The following CRYBG1 variants were observed in gnomAD, a reference collection of about 807,000 sequenced individuals.
The protein encoded by CRYBG1 is crystallin beta-gamma domain containing 1.
CRYBG1 carries 139 observed loss-of-function variants against 189.2 expected under a neutral mutation model. The observed-to-expected ratio is 0.73, with a 90% confidence interval of 0.64 to 0.85. CRYBG1 has a LOEUF of 0.85. Ranked by LOEUF, CRYBG1 falls within the 40% of genes least tolerant of loss-of-function variation. The pLI, the probability that CRYBG1 is intolerant of heterozygous loss-of-function variation, is 0.00. For synonymous variants in CRYBG1, 1,023 were observed against 1,017.1 expected, an observed-to-expected ratio of 1.01 and a Z score of -0.11; for missense variants, 2,611 against 2,675.8, an observed-to-expected ratio of 0.98 and a Z score of 0.53.
intron 2 of CRYBG1, among the ~76,000 whole-genome samples, chr6:106,479,933 CTA>C (rs1772408510): frequency 6.6e-6 from 1 of 151,984 alleles, no homozygotes; most frequent in African/African-American, 2.4e-5. Flanking sequence ...TCTAACTTAT[CTA>C]TTTTTTTTTC....
chr6:106,379,754 G>T (rs1003102716), intron 1 of CRYBG1, among the ~76,000 whole-genome samples: 4 of 151,982 alleles, frequency 2.6e-5, no homozygotes, highest in African/African-American at 7.3e-5. Flanking sequence ...AAAGATGGGG[G>T]TCTCACTGTG....
At chr6:106,376,932 T>C (rs1770175617) in intron 1 of CRYBG1, among the ~76,000 whole-genome samples, 1 of 152,080 alleles carries the variant, frequency 6.6e-6, no homozygotes, top group Admixed American at 6.6e-5. Context: ...TACTGAAAAA[T>C]GGCATAGACT....
intron 8 of CRYBG1, among the ~76,000 whole-genome samples, chr6:106,533,203 C>T (rs1434734371): frequency 6.6e-6 from 1 of 152,180 alleles, no homozygotes; most frequent in African/African-American, 2.4e-5. Flanking sequence ...AGGGAGTCTG[C>T]CCTGGAGCTA....
intron 1 of CRYBG1, among the ~76,000 whole-genome samples, chr6:106,412,301 C>T (rs1262339361): frequency 1.3e-5 from 2 of 152,262 alleles, no homozygotes; most frequent in Admixed American, 6.5e-5. Context: ...ACTGCTTATG[C>T]TGATGGCTTG....
intron 2 of CRYBG1, among the ~76,000 whole-genome samples, chr6:106,464,428 G>A (rs566922798): frequency 6.6e-6 from 1 of 151,774 alleles, no homozygotes; most frequent in Non-Finnish European, 1.5e-5. Flanking sequence ...GGGAGGCAGA[G>A]GTTGCAGTGA....
intron 1 of CRYBG1, among the ~76,000 whole-genome samples, chr6:106,418,371 C>A (rs1227310588): frequency 6.6e-6 from 1 of 152,216 alleles, no homozygotes; most frequent in Non-Finnish European, 1.5e-5. Context: ...CATCTGGGAC[C>A]AGCAGTCTGA....
At chr6:106,392,114 G>A (rs543953076) in intron 1 of CRYBG1, among the ~76,000 whole-genome samples, 2 of 152,244 alleles carry the variant, frequency 1.3e-5, no homozygotes, top group African/African-American at 2.4e-5. Context: ...CTCTCAGTGC[G>A]ATGAGGTTTA....
At position 106,561,495 on chromosome 6, in the gene CRYBG1, T is replaced by C. The variant is rs1296411222; in HGVS notation, c.6133T>C (p.Cys2045Arg). 6.2e-6 allele frequency: 10 copies of C among 1,611,954 alleles called. No homozygotes were observed. The highest frequency in any genetic ancestry group is 8.5e-6 in the Non-Finnish European group (10 of 1,178,666). The change falls in exon 20 of 22, where the codon TGC (cysteine) becomes CGC (arginine). Residue 2045 changes from cysteine to arginine, a missense_variant. Cys to Arg is a radical substitution (Grantham distance 180). Transcript: ENST00000633556. ...IWIYQEGCIK[C>R]RIAEDCCLTI... ...GATCTATCAAGAAGGATGTATCAAA[T>C]GCAGGGTGAGCTTTAGGATTCCACG... is the stretch of plus-strand genomic sequence containing the variant.
At chr6:106,440,263 TC>T (rs1771542497) in intron 1 of CRYBG1, among the ~76,000 whole-genome samples, 4 of 133,346 alleles carry the variant, frequency 3.0e-5, no homozygotes, top group Non-Finnish European at 5.0e-5. Flanking sequence ...TCTCTCTCTC[TC>T]TCTCTTTTTT....
At chr6:106,445,419 G>A (rs1033092934) in intron 1 of CRYBG1, among the ~76,000 whole-genome samples, 1 of 152,118 alleles carries the variant, frequency 6.6e-6, no homozygotes, top group Non-Finnish European at 1.5e-5. Context: ...AAAATGGTAT[G>A]GTTGGGTCAC....
chr6:106,399,477 G>T (rs528425027), intron 1 of CRYBG1, among the ~76,000 whole-genome samples: 1 of 152,176 alleles, frequency 6.6e-6, no homozygotes, highest in Admixed American at 6.5e-5. Flanking sequence ...TGTTGAACTT[G>T]CCAAGAATAT....
chr6:106,379,785 T>C (rs9480661), intron 1 of CRYBG1, among the ~76,000 whole-genome samples: 19,075 of 152,096 alleles, frequency 0.13, 1,388 homozygotes, highest in Admixed American at 0.22. Context: ...TGAGGATTGC[T>C]TGAGGCCTAG....
At chr6:106,514,685 C>T (rs927339985) in intron 3 of CRYBG1, among the ~76,000 whole-genome samples, 3 of 152,132 alleles carry the variant, frequency 2.0e-5, no homozygotes, top group East Asian at 1.9e-4. Context: ...AATTAGAAGA[C>T]ACCAGTAGAA....
At chr6:106,534,220 T>C (rs1408643006) in intron 8 of CRYBG1, among the ~76,000 whole-genome samples, 1 of 152,230 alleles carries the variant, frequency 6.6e-6, no homozygotes, top group East Asian at 1.9e-4. Context: ...CTACCTTAAA[T>C]GATATTTCTT....
Position 106,361,006 on chromosome 6 carries a change from AG to A in CRYBG1, c.99del (p.Lys34SerfsTer29). ...HTTFHLWRSK[K>X]KQQPAPPDCG... is the part of the protein sequence containing the mutation. ...ACCTTCCACCTCTGGCGCTCCAAAA[AG>A]AAGCAGCAGCCGGCGCCGCCTGACT... On this transcript the variant is annotated frameshift_variant, in exon 1 of 22. Coordinates refer to ENST00000633556, the MANE Select transcript of CRYBG1 (RefSeq NM_001371242.2). LOFTEE classifies it high-confidence loss of function. 6.5e-7 allele frequency: 1 copy of A among 1,535,138 alleles called. No homozygotes were observed. The highest frequency in any genetic ancestry group is 8.7e-7 in the Non-Finnish European group (1 of 1,146,562).
At chr6:106,447,023 A>G (rs1432393467) in intron 1 of CRYBG1, among the ~76,000 whole-genome samples, 1 of 152,220 alleles carries the variant, frequency 6.6e-6, no homozygotes, top group African/African-American at 2.4e-5. Context: ...CATACTTAAC[A>G]CTGAAACTTT....
intron 2 of CRYBG1, among the ~76,000 whole-genome samples, chr6:106,465,032 C>A (rs1772083635): frequency 6.6e-6 from 1 of 152,144 alleles, no homozygotes; most frequent in South Asian, 2.1e-4. Context: ...AATATTTATT[C>A]ATCTTTAAAA....
intron 2 of CRYBG1, among the ~76,000 whole-genome samples, chr6:106,453,329 C>T (rs1771820381): frequency 6.6e-6 from 1 of 152,048 alleles, no homozygotes; most frequent in South Asian, 2.1e-4. Flanking sequence ...TGCTTGGTAA[C>T]TCAAAATAGC....
At chr6:106,551,820 A>G (rs1774410903) in intron 13 of CRYBG1, 32 bp from the exon 14 acceptor site, 2 of 1,601,986 alleles carry the variant, frequency 1.2e-6, no homozygotes, top group African/African-American at 1.3e-5. Flanking sequence ...GTAAAATATG[A>G]ACTCCAACAA....
Sources: gnomAD v4.1 joint callset for allele counts (sites outside exome capture counted in the v4.1 genomes callset) on GRCh38, gnomAD v4.1.1 for gene constraint, MANE v1.5 for transcripts, NCBI Gene and HGNC (gene_info 2026-07-23, HGNC 2026-07-21) for gene names.